The following CCN5 variants were observed in gnomAD, a reference collection of about 807,000 sequenced individuals.
CCN5 encodes CCN family member 5.
Under a neutral mutation model 18.7 loss-of-function variants are expected in CCN5, and 17 were observed. The ratio of observed to expected loss-of-function variants is 0.91; its 90% CI spans 0.62 to 1.36. The LOEUF is 1.36. Ranked by LOEUF, CCN5 falls within the 40% of genes most tolerant of loss-of-function variation. The probability of loss-of-function intolerance (pLI) is 0.00; values close to 1 mark genes in which losing one functional copy is unlikely to be tolerated. For synonymous variants in CCN5, 135 were observed against 145.2 expected, an observed-to-expected ratio of 0.93 and a Z score of 0.50; for missense variants, 367 against 342.9, an observed-to-expected ratio of 1.07 and a Z score of -0.56.
At chr20:44,719,222 C>T (rs1356641867) in intron 1 of CCN5, among the ~76,000 whole-genome samples, 1 of 152,128 alleles carries the variant, frequency 6.6e-6, no homozygotes, top group Non-Finnish European at 1.5e-5. Context: ...CATGCCAGGC[C>T]CTGTGCTGAG....
intron 2 of CCN5, among the ~76,000 whole-genome samples, chr20:44,722,243 C>T (rs182619414): frequency 6.6e-6 from 1 of 152,284 alleles, no homozygotes; most frequent in Admixed American, 6.5e-5. Context: ...TGCCAAAAAC[C>T]TCTCCCATCA....
Position 44,719,971 on chromosome 20 carries a change from G to A in CCN5, c.135G>A (p.Leu45=). Reference sequence around the variant, plus strand: ...CCCGATGCCCGCTGGGAGTACCCCTGGTGCTGGATGGCTGTGGCTGCTGCC... The same window carrying A: ...CCCGATGCCCGCTGGGAGTACCCCTAGTGCTGGATGGCTGTGGCTGCTGCC... ...PPPRCPLGVP[L]VLDGCGCCRV... Residue 45 remains leucine, a synonymous_variant, in exon 2 of 4, where the codon CTG becomes CTA. Transcript: ENST00000190983. 1 of 1,613,668 alleles carries A rather than the reference G, an allele frequency of 6.2e-7. No homozygotes were observed. The highest frequency in any genetic ancestry group is 8.5e-7 in the Non-Finnish European group (1 of 1,179,946).
chr20:44,722,261 G>A (rs370019775), intron 2 of CCN5, among the ~76,000 whole-genome samples: 4 of 152,094 alleles, frequency 2.6e-5, no homozygotes. Flanking sequence ...TCACTTACTC[G>A]TTGAACGCTC....
At chr20:44,715,350 C>G, upstream of CCN5, 1 of 1,571,580 alleles carries the variant, frequency 6.4e-7, no homozygotes, top group South Asian at 1.2e-5. Flanking sequence ...TAAAGACTCA[C>G]AGGTCCGCCT....
Position 44,727,119 on chromosome 20 carries a change from C to T in CCN5, c.565C>T (p.Pro189Ser), listed in dbSNP as rs996887625. 24 of 1,604,608 alleles carry T rather than the reference C, an allele frequency of 1.5e-5. No individual in the cohort carries two copies. The highest frequency in any genetic ancestry group is 2.2e-5 in the East Asian group (1 of 44,634). ...GTTTTCTGGCCTTGTCTCTTCCCTG[C>T]CCCCTGGTGTCCCCTGCCCAGAATG... ...PQFSGLVSSL[P>S]PGVPCPEWST... Residue 189 changes from proline (P) to serine (S), a missense_variant, in exon 4 of 4, where the codon CCC becomes TCC. Coordinates refer to ENST00000190983, the MANE Select transcript of CCN5 (RefSeq NM_003881.4).
Position 44,720,057 on chromosome 20 carries a change from A to G in CCN5, c.221A>G (p.Gln74Arg). Residue 74 changes from glutamine to arginine, a missense_variant, in exon 2 of 4, where the codon CAG becomes CGG. Physicochemically the swap from Gln to Arg is conservative, Grantham distance 43. Transcript: ENST00000190983. The part of the protein sequence containing the change: ...CDQLHVCDAS[Q>R]GLVCQPGAGP... Reference sequence around the variant, plus strand: ...CAACTCCACGTCTGCGACGCCAGCCAGGGCCTGGTCTGCCAGCCCGGGGCA... The same window carrying G: ...CAACTCCACGTCTGCGACGCCAGCCGGGGCCTGGTCTGCCAGCCCGGGGCA... 1 of 1,589,904 alleles carries G rather than the reference A, an allele frequency of 6.3e-7. No homozygotes were observed. Among genetic ancestry groups the G allele is most frequent in the Non-Finnish European group, 8.5e-7 (1 of 1,173,350 alleles).
intron 1 of CCN5, among the ~76,000 whole-genome samples, chr20:44,717,163 T>A (rs1600987303): frequency 6.6e-6 from 1 of 152,260 alleles, no homozygotes; most frequent in East Asian, 1.9e-4. Context: ...TCTTACTGGC[T>A]GTGTTACTAC....
At chr20:44,715,551 C>A (rs1283872382) in intron 1 of CCN5, 101 bp downstream of exon 1, 1 of 1,297,966 alleles carries the variant, frequency 7.7e-7, no homozygotes, top group Admixed American at 2.0e-5. Context: ...AGAATTCCTC[C>A]AGGGCCCCAC....
chr20:44,724,580 T>G, intron 2 of CCN5, 158 bp from the exon 3 acceptor site: 2 of 1,140,426 alleles, frequency 1.8e-6, no homozygotes, highest in Non-Finnish European at 2.4e-6. Context: ...AGCAGGCTGG[T>G]GGAGGGCTGG....
At chr20:44,722,776 G>T (rs1205618394) in intron 2 of CCN5, among the ~76,000 whole-genome samples, 1 of 151,936 alleles carries the variant, frequency 6.6e-6, no homozygotes, top group African/African-American at 2.4e-5. Context: ...AGCCGGTCTA[G>T]ACATCTCTCT....
chr20:44,720,551 A>C, intron 2 of CCN5: 1 of 199,658 alleles, frequency 5.0e-6, no homozygotes, highest in Non-Finnish European at 9.8e-6. Context: ...CATCATCCTC[A>C]CAATAACCCT....
At chr20:44,721,057 GTTC>G (rs941523108) in intron 2 of CCN5, 20 of 152,082 alleles carry the variant, frequency 1.3e-4, no homozygotes, top group African/African-American at 4.8e-4. Context: ...GCAAGAGATT[GTTC>G]TTCTTTTTTC....
Position 44,719,901 on chromosome 20 carries a change from G to T in CCN5, c.65G>T (p.Arg22Leu). 6.2e-7 allele frequency: 1 copy of T among 1,612,810 alleles called. No individual in the cohort carries two copies. The highest frequency in any genetic ancestry group is 8.5e-7 in the Non-Finnish European group (1 of 1,179,706). The change falls in exon 2 of 4, where the codon CGT becomes CTT. Residue 22 changes from arginine to leucine, a missense_variant. Coordinates refer to ENST00000190983, the MANE Select transcript of CCN5 (RefSeq NM_003881.4). ...FSLLCLLSKV[R>L]TQLCPTPCTC... ...GTGAGGTCTCTGTCTCTTCAGGTGC[G>T]TACCCAGCTGTGCCCGACACCATGT...
Position 44,727,372 on chromosome 20 carries a change from T to C in CCN5, c.*65T>C. ...AGCTGGTGGCCCTGTGCCTGGGCCC[T>C]GGGCTGATGGAAGATGGTCCGTGCC... On this transcript the variant is annotated 3_prime_UTR_variant, in exon 4 of 4. Transcript: ENST00000190983. 2 of 1,517,910 alleles carry C rather than the reference T, an allele frequency of 1.3e-6. No homozygotes were observed. Among genetic ancestry groups the C allele is most frequent in the Non-Finnish European group, 8.9e-7 (1 of 1,129,594 alleles). The allele number at this position is 1,517,910 out of a possible 1,614,324, so 94.0% of individuals were successfully genotyped here.
Position 44,725,035 on chromosome 20 carries a change from G to C in CCN5, c.532+43G>C, listed in dbSNP as rs1460960239. 4 of 1,477,556 alleles carry C rather than the reference G, an allele frequency of 2.7e-6. No individual in the cohort carries two copies. In the African/African-American group the frequency reaches 5.6e-5, roughly 21 times the overall value. 91.5% of individuals were successfully genotyped at this position (1,477,556 alleles called of 1,614,324 possible). ...CCAGGTCAGGGCAGGACTGCCTGGGGGCGCCAAGGGCCACCTAGGGGGTGG... is the reference window on the plus strand; with the variant it reads ...CCAGGTCAGGGCAGGACTGCCTGGGCGCGCCAAGGGCCACCTAGGGGGTGG... On this transcript the variant is annotated intron_variant, in intron 3 of 3. Transcript: ENST00000190983.
chr20:44,715,472 A>T, intron 1 of CCN5, 22 bp downstream of exon 1: 1 of 1,580,962 alleles, frequency 6.3e-7, no homozygotes, highest in Non-Finnish European at 8.6e-7. Flanking sequence ...CGGGCCCTGG[A>T]ATGCACTGCT....
intron 3 of CCN5, 61 bp downstream of exon 3, chr20:44,725,053 G>A: frequency 6.8e-7 from 1 of 1,462,080 alleles, no homozygotes. Flanking sequence ...GGGCCACCTA[G>A]GGGGTGGGGT....
Position 44,724,890 on chromosome 20 carries a change from G to C in CCN5, c.430G>C (p.Asp144His), listed in dbSNP as rs1380724632. ...CSEDVRLPSW[D>H]CPHPRRVEVL... ...CGAGGATGTGCGGCTGCCCAGCTGGGACTGCCCCCACCCCAGGAGGGTCGA... is the reference window on the plus strand; with the variant it reads ...CGAGGATGTGCGGCTGCCCAGCTGGCACTGCCCCCACCCCAGGAGGGTCGA... Residue 144 changes from aspartate to histidine, a missense_variant, in exon 3 of 4, where the codon GAC becomes CAC. Asp to His is a moderately conservative substitution (Grantham distance 81). Coordinates refer to ENST00000190983, the MANE Select transcript of CCN5 (RefSeq NM_003881.4). 2 of 1,593,896 alleles carry C rather than the reference G, an allele frequency of 1.3e-6. No individual in the cohort carries two copies. The highest frequency in any genetic ancestry group is 1.3e-5 in the African/African-American group (1 of 74,764).
chr20:44,720,814 G>C (rs968716460), intron 2 of CCN5: 3 of 152,280 alleles, frequency 2.0e-5, no homozygotes, highest in Admixed American at 6.5e-5. Context: ...TGATGCTTCG[G>C]GGCAGGGCTT....
Sources: gnomAD v4.1 joint callset for allele counts (sites outside exome capture counted in the v4.1 genomes callset) on GRCh38, gnomAD v4.1.1 for gene constraint, MANE v1.5 for transcripts, NCBI Gene and HGNC (gene_info 2026-07-23, HGNC 2026-07-21) for gene names.